NUDCD3: variants seen among roughly 807,000 people sequenced by gnomAD.
NUDCD3 encodes nudC domain-containing protein 3.
Under a neutral mutation model 39.7 loss-of-function variants are expected in NUDCD3, and 13 were observed. The ratio of observed to expected loss-of-function variants is 0.33; its 90% CI spans 0.21 to 0.52. NUDCD3 has a LOEUF of 0.52. Ranked by LOEUF, NUDCD3 falls within the 20% of genes least tolerant of loss-of-function variation. The pLI, the probability that NUDCD3 is intolerant of heterozygous loss-of-function variation, is 0.96. For synonymous variants in NUDCD3, 175 were observed against 172.4 expected, an observed-to-expected ratio of 1.02 and a Z score of -0.12; for missense variants, 453 against 458.1, an observed-to-expected ratio of 0.99 and a Z score of 0.10.
chr7:44,421,389 C>CATCAGTGTGCTGT (rs1221869270), intron 3 of NUDCD3, among the ~76,000 whole-genome samples: 2 of 145,940 alleles, frequency 1.4e-5, no homozygotes, highest in Non-Finnish European at 3.0e-5. Flanking sequence ...AGTCAAAATC[C>CATCAGTGTGCTGT]ATCAGTGTGC....
At chr7:44,413,057 A>G (rs1408359222) in intron 3 of NUDCD3, 1 of 152,204 alleles carries the variant, frequency 6.6e-6, no homozygotes, top group Non-Finnish European at 1.5e-5. Context: ...ATAACTGACC[A>G]AAGAAACTCT....
intron 2 of NUDCD3, among the ~76,000 whole-genome samples, chr7:44,452,145 T>C (rs1298113377): frequency 6.6e-6 from 1 of 151,604 alleles, no homozygotes; most frequent in African/African-American, 2.4e-5. Context: ...CCAACAGGAG[T>C]TAGAGTCCCA....
chr7:44,466,458 C>G (rs1326064059), intron 2 of NUDCD3, among the ~76,000 whole-genome samples: 2 of 152,144 alleles, frequency 1.3e-5, no homozygotes, highest in Non-Finnish European at 2.9e-5. Context: ...AGACCCAGTA[C>G]AGTCAGCAGG....
At chr7:44,426,106 C>CT (rs1413753316) in intron 3 of NUDCD3, 5 of 985,144 alleles carry the variant, frequency 5.1e-6, no homozygotes, top group Admixed American at 1.2e-4. Context: ...GGGTTCTTTG[C>CT]TTTGCCTCTC....
chr7:44,490,362 C>T lies in NUDCD3; in HGVS notation c.192+47G>A, dbSNP rs998102831. Reference sequence around the variant, plus strand: ...GAGGAGCGGGCGCCAGGAGTCAGGGCAGGCCGGGGGCGGCGGCTCCCCAGA... The same window carrying T: ...GAGGAGCGGGCGCCAGGAGTCAGGGTAGGCCGGGGGCGGCGGCTCCCCAGA... On this transcript the variant is annotated intron_variant, in intron 1 of 5. Transcript: ENST00000355451. 14 of 1,474,142 alleles carry T rather than the reference C, an allele frequency of 9.5e-6. No individual in the cohort carries two copies. The African/African-American group carries it at 1.7e-4, about 18-fold the overall frequency. The allele number at this position is 1,474,142 out of a possible 1,614,324, so 91.3% of individuals were successfully genotyped here. A position where few individuals can be genotyped will look rare whatever the true frequency, so the allele number is the denominator to read the frequency against.
intron 2 of NUDCD3, among the ~76,000 whole-genome samples, chr7:44,446,649 G>A (rs935087038): frequency 2.0e-5 from 3 of 152,312 alleles, no homozygotes; most frequent in Admixed American, 6.5e-5. Context: ...GTGTGACCAT[G>A]CTTTGTTAGT....
At chr7:44,391,606 C>G (rs984121800) in intron 5 of NUDCD3, among the ~76,000 whole-genome samples, 2 of 152,162 alleles carry the variant, frequency 1.3e-5, no homozygotes, top group East Asian at 3.9e-4. Context: ...GCACTGCGTC[C>G]GCGTGCCCTG....
chr7:44,437,490 C>T (rs1409721658), intron 2 of NUDCD3, among the ~76,000 whole-genome samples: 3 of 151,894 alleles, frequency 2.0e-5, no homozygotes, highest in Non-Finnish European at 4.4e-5. Flanking sequence ...TTTTGCTGAT[C>T]TTCTGTATTT....
intron 5 of NUDCD3, among the ~76,000 whole-genome samples, chr7:44,389,985 A>G (rs147751127): frequency 7.7e-4 from 117 of 152,336 alleles, no homozygotes; most frequent in Non-Finnish European, 1.1e-3. Flanking sequence ...AAGTTCTGTA[A>G]GAGATACAAT....
chr7:44,432,632 C>G (rs984152166), intron 2 of NUDCD3, among the ~76,000 whole-genome samples: 1 of 152,314 alleles, frequency 6.6e-6, no homozygotes, highest in Non-Finnish European at 1.5e-5. Context: ...TTTGTCAACC[C>G]CCTCTCCACC....
chr7:44,380,638 T>C lies in NUDCD3; in HGVS notation c.*5373A>G, dbSNP rs988225664. Reference sequence around the variant, plus strand: ...AGGTCTCCACACACTGGGTCATTAGTACCCACAAGCAATCACTGTTGAGTT... The same window carrying C: ...AGGTCTCCACACACTGGGTCATTAGCACCCACAAGCAATCACTGTTGAGTT... On this transcript the variant is annotated 3_prime_UTR_variant, in exon 6 of 6. Transcript: ENST00000355451. 2 of 152,236 alleles carry C rather than the reference T, an allele frequency of 1.3e-5. No individual in the cohort carries two copies. The highest frequency in any genetic ancestry group is 4.8e-5 in the African/African-American group (2 of 41,434). 9.4% of individuals were successfully genotyped at this position (152,236 alleles called of 1,614,324 possible). A position where few individuals can be genotyped will look rare whatever the true frequency, so the allele number is the denominator to read the frequency against.
At chr7:44,485,362 T>C in intron 1 of NUDCD3, 78 bp from the exon 2 acceptor site, 1 of 1,270,984 alleles carries the variant, frequency 7.9e-7, no homozygotes, top group Non-Finnish European at 1.1e-6. Flanking sequence ...TGTCGTAAAA[T>C]CTGTGAAGGA....
chr7:44,472,972 C>A (rs927928427), intron 2 of NUDCD3, among the ~76,000 whole-genome samples: 2 of 152,178 alleles, frequency 1.3e-5, no homozygotes, highest in Non-Finnish European at 2.9e-5. Context: ...TCTGGGAATT[C>A]ATTTAGCTGA....
intron 2 of NUDCD3, among the ~76,000 whole-genome samples, chr7:44,430,139 C>A (rs1188276558): frequency 1.3e-5 from 2 of 152,174 alleles, no homozygotes; most frequent in Non-Finnish European, 2.9e-5. Flanking sequence ...TATCCAAACT[C>A]CCTAGAATAT....
intron 2 of NUDCD3, among the ~76,000 whole-genome samples, chr7:44,441,239 A>G (rs1262955301): frequency 6.6e-6 from 1 of 152,198 alleles, no homozygotes; most frequent in Non-Finnish European, 1.5e-5. Context: ...ACGTGTTTTC[A>G]CAACAGTCAG....
At chr7:44,471,412 T>C (rs752362484) in intron 2 of NUDCD3, among the ~76,000 whole-genome samples, 19 of 152,240 alleles carry the variant, frequency 1.2e-4, no homozygotes, top group Non-Finnish European at 2.6e-4. Context: ...GATCTGCAGA[T>C]GTGGAACCGA....
At chr7:44,407,637 A>C in intron 3 of NUDCD3, among the ~76,000 whole-genome samples, 1 of 151,922 alleles carries the variant, frequency 6.6e-6, no homozygotes, top group Non-Finnish European at 1.5e-5. Flanking sequence ...AGATGAAAAC[A>C]AGTTAAAAAA....
rs764865453 is a variant in NUDCD3, at chr7:44,392,452, T to C, written c.820A>G (p.Asn274Asp). The C allele has an allele frequency of 6.2e-7, 1 of 1,614,042 alleles. No homozygotes were observed. The highest frequency in any genetic ancestry group is 1.1e-5 in the South Asian group (1 of 91,072). Residue 274 changes from asparagine to aspartate, a missense_variant, in exon 5 of 6, where the codon AAC becomes GAC. Physicochemically the swap from Asn to Asp is conservative, Grantham distance 23. Transcript: ENST00000355451. ...GGCTCTTCTCCCTCCAGGATGGCGTTCCACCAATACTCGCCCACCTTGCTC... is the reference window on the plus strand; with the variant it reads ...GGCTCTTCTCCCTCCAGGATGGCGTCCCACCAATACTCGCCCACCTTGCTC... ...NLSKVGEYWW[N>D]AILEGEEPID...
chr7:44,453,561 A>C (rs1010728262), intron 2 of NUDCD3, among the ~76,000 whole-genome samples: 1 of 152,100 alleles, frequency 6.6e-6, no homozygotes, highest in African/African-American at 2.4e-5. Context: ...CCCAAGATGA[A>C]GGTTAAAACG....
Sources: allele counts gnomAD v4.1 joint callset (sites outside exome capture counted in the v4.1 genomes callset), GRCh38; gene constraint gnomAD v4.1.1; transcripts MANE v1.5; gene names NCBI Gene and HGNC (gene_info 2026-07-23, HGNC 2026-07-21).